The following ZNF184 variants were observed in gnomAD, a reference collection of about 807,000 sequenced individuals.
ZNF184 encodes zinc finger protein 184 (Kruppel-like).
In ZNF184, 16 loss-of-function variants were observed where a neutral mutation model predicts 54.4. That is an observed-to-expected ratio of 0.29 (90% CI 0.20 to 0.45). The LOEUF (loss-of-function observed/expected upper bound fraction) is 0.45, where lower values mean the gene tolerates loss of function less well. Ranked by LOEUF, ZNF184 falls within the 20% of genes least tolerant of loss-of-function variation. ZNF184 has a pLI of 1.00. For synonymous variants in ZNF184, 254 were observed against 295.3 expected, an observed-to-expected ratio of 0.86 and a Z score of 1.43; for missense variants, 681 against 888.2, an observed-to-expected ratio of 0.77 and a Z score of 2.97.
the ZNF184 span, among the ~76,000 whole-genome samples, chr6:27,440,619 T>C: frequency 1.3e-5 from 2 of 152,258 alleles, no homozygotes; most frequent in African/African-American, 4.8e-5. Flanking sequence ...TTCACCAAAG[T>C]TATGATTTTC....
chr6:27,409,512 A>AC, the ZNF184 span, among the ~76,000 whole-genome samples: 4,826 of 149,872 alleles, frequency 0.032, 195 homozygotes, highest in African/African-American at 0.083. Context: ...AAAAAAAAAA[A>AC]AAAAAAAAAC....
At chr6:27,442,842 G>GAA in the ZNF184 span, among the ~76,000 whole-genome samples, 1 of 55,332 alleles carries the variant, frequency 1.8e-5, no homozygotes, top group Non-Finnish European at 3.7e-5. Context: ...AAGAAAGAAA[G>GAA]AAAGAAAGAA....
chr6:27,457,286 T>C lies in ZNF184; in HGVS notation c.199A>G (p.Ile67Val), dbSNP rs1762880803. Residue 67 changes from isoleucine (I) to valine (V), a missense_variant, in exon 4 of 6, where the codon ATA (isoleucine) becomes GTA (valine). By Grantham distance (29) the Ile-to-Val change is conservative. Transcript: ENST00000683788. ...TLENYTHLVS[I>V]GLQVSKPDVI... ...AACTCAGAGAAATTATCCTTACCTA[T>C]AGAGACCAGGTGTGTATAATTTTCC... 2 of 1,613,942 alleles carry C rather than the reference T, an allele frequency of 1.2e-6. No homozygotes were observed. Among genetic ancestry groups the C allele is most frequent in the African/African-American group, 1.3e-5 (1 of 75,016 alleles).
chr6:27,436,677 AG>A, the ZNF184 span, among the ~76,000 whole-genome samples: 3 of 152,120 alleles, frequency 2.0e-5, no homozygotes, highest in Admixed American at 1.3e-4. Context: ...TGGTTTGCTA[AG>A]TTAGTATTTT....
At position 27,452,198 on chromosome 6, in the gene ZNF184, G is replaced by T; in HGVS notation, c.1361C>A (p.Ser454Tyr). 5 of 1,614,108 alleles carry T rather than the reference G, an allele frequency of 3.1e-6. No homozygotes were observed. Among genetic ancestry groups the T allele is most frequent in the Non-Finnish European group, 2.5e-6 (3 of 1,180,000 alleles). Residue 454 changes from serine (S) to tyrosine (Y), a missense_variant, in exon 6 of 6, where the codon TCT (serine) becomes TAT (tyrosine). By Grantham distance (144) the Ser-to-Tyr change is moderately radical. Transcript: ENST00000683788. The surrounding 1 kb of genome is among the most constrained non-coding windows in gnomAD (Gnocchi z 5.5). ...AGCAAGGGATGACCAGTAACTAAAA[G>T]ATTTTCCACATTCTGCACAATCATA... ...KPYDCAECGKSFSYWSSLAQH... is the reference protein window; with the variant it reads ...KPYDCAECGKYFSYWSSLAQH...
At chr6:27,458,254 G>A in intron 3 of ZNF184, among the ~76,000 whole-genome samples, 1 of 76,026 alleles carries the variant, frequency 1.3e-5, no homozygotes, top group Non-Finnish European at 2.6e-5. Context: ...ACATCTATAA[G>A]ACATCATAAA....
the ZNF184 span, among the ~76,000 whole-genome samples, chr6:27,413,661 C>G: frequency 6.6e-6 from 1 of 152,102 alleles, no homozygotes; most frequent in Middle Eastern, 3.2e-3. Context: ...TTCTAAAAAC[C>G]ATGGACAATT....
At chr6:27,433,774 A>G in the ZNF184 span, among the ~76,000 whole-genome samples, 1 of 152,186 alleles carries the variant, frequency 6.6e-6, no homozygotes, top group Non-Finnish European at 1.5e-5. Context: ...CCTTTTGGCT[A>G]TCATAAATAA....
chr6:27,407,733 A>T, the ZNF184 span: 2 of 757,728 alleles, frequency 2.6e-6, no homozygotes, highest in Non-Finnish European at 2.5e-6. Context: ...AGAAGATGTC[A>T]TCAACAAACC....
the ZNF184 span, among the ~76,000 whole-genome samples, chr6:27,409,512 A>C: frequency 1.3e-5 from 2 of 149,780 alleles, no homozygotes; most frequent in African/African-American, 4.9e-5. Flanking sequence ...AAAAAAAAAA[A>C]AAAAAAAAAC....
the ZNF184 span, among the ~76,000 whole-genome samples, chr6:27,440,969 C>T: frequency 2.1e-3 from 325 of 152,050 alleles, no homozygotes; most frequent in Admixed American, 3.4e-3. Context: ...CGCGCCACTG[C>T]ACTCCAGCCT....
chr6:27,428,580 T>G, the ZNF184 span, among the ~76,000 whole-genome samples: 37 of 152,304 alleles, frequency 2.4e-4, no homozygotes, highest in Non-Finnish European at 4.3e-4. This position sits in a 1 kb window ranked among gnomAD's most constrained non-coding sequence, Gnocchi z 4.1. Context: ...CACTCTTTCC[T>G]AAAACCTCCC....
At chr6:27,416,885 T>C in the ZNF184 span, among the ~76,000 whole-genome samples, 1 of 152,188 alleles carries the variant, frequency 6.6e-6, no homozygotes, top group Non-Finnish European at 1.5e-5. Flanking sequence ...ATAATAATAT[T>C]GAGGTTTAGA....
the ZNF184 span, among the ~76,000 whole-genome samples, chr6:27,422,148 A>AAAAGAAAGAAAG: frequency 0.039 from 1,692 of 43,166 alleles, 103 homozygotes; most frequent in East Asian, 0.1. Flanking sequence ...CTCAAAAAAA[A>AAAAGAAAGAAAG]AAAGAAAGAA....
At position 27,451,225 on chromosome 6, in the gene ZNF184, ACT is replaced by A. The variant is rs1327742674; in HGVS notation, c.*76_*77del. The A allele has an allele frequency of 6.8e-7, 1 of 1,472,940 alleles. No homozygotes were observed. Among genetic ancestry groups the A allele is most frequent in the African/African-American group, 1.4e-5 (1 of 70,798 alleles). The allele number at this position is 1,472,940 out of a possible 1,614,324, so 91.2% of individuals were successfully genotyped here. A position where few individuals can be genotyped will look rare whatever the true frequency, so the allele number is the denominator to read the frequency against. On this transcript the variant is annotated 3_prime_UTR_variant, in exon 6 of 6. Transcript: ENST00000683788. ...AGATTTCAAGGCAGTTTCTAAATCCACTCTGATTCTTCAGTACTTAACAAAAG... is the reference window on the plus strand; with the variant it reads ...AGATTTCAAGGCAGTTTCTAAATCCACTGATTCTTCAGTACTTAACAAAAG...
At chr6:27,470,196 A>G (rs1034746824) in intron 2 of ZNF184, among the ~76,000 whole-genome samples, 3 of 152,194 alleles carry the variant, frequency 2.0e-5, no homozygotes, top group African/African-American at 7.2e-5. Flanking sequence ...AGACAGACTA[A>G]GAGATGGATT....
chr6:27,445,108 A>G, the ZNF184 span, among the ~76,000 whole-genome samples: 1 of 152,198 alleles, frequency 6.6e-6, no homozygotes, highest in African/African-American at 2.4e-5. Flanking sequence ...CTAGGTTTAT[A>G]CCCAACAGAA....
the ZNF184 span, among the ~76,000 whole-genome samples, chr6:27,438,228 T>G: frequency 1.3e-5 from 2 of 152,224 alleles, no homozygotes; most frequent in Admixed American, 1.3e-4. Flanking sequence ...GACATTTCAT[T>G]ATATAATTTT....
Position 27,472,996 on chromosome 6 carries a change from G to T in ZNF184, c.-407C>A, listed in dbSNP as rs1763320258. On this transcript the variant is annotated 5_prime_UTR_variant, in exon 1 of 6. Coordinates refer to ENST00000683788, the MANE Select transcript of ZNF184 (RefSeq NM_001318891.2). The surrounding 1 kb of genome is among the most constrained non-coding windows in gnomAD (Gnocchi z 4.8). ...ACCTGAGCTCCCCTCCCCCTATAGCGATCCACACACTCTGATCCCGGGTCC... is the reference window on the plus strand; with the variant it reads ...ACCTGAGCTCCCCTCCCCCTATAGCTATCCACACACTCTGATCCCGGGTCC... 6.6e-6 allele frequency: 1 copy of T among 152,378 alleles called. No homozygotes were observed. The highest frequency in any genetic ancestry group is 1.5e-5 in the Non-Finnish European group (1 of 68,200). The allele number at this position is 152,378 out of a possible 1,614,324, so 9.4% of individuals were successfully genotyped here.
Sources: gnomAD v4.1 joint callset for allele counts (sites outside exome capture counted in the v4.1 genomes callset) on GRCh38, gnomAD v4.1.1 for gene constraint, Gnocchi (gnomAD v3.1) non-coding constraint, MANE v1.5 for transcripts, NCBI Gene and HGNC (gene_info 2026-07-23, HGNC 2026-07-21) for gene names.